The following TRHDE variants were observed in gnomAD, a reference collection of about 807,000 sequenced individuals.
TRHDE encodes thyrotropin releasing hormone degrading enzyme.
In TRHDE, 72 loss-of-function variants were observed where a neutral mutation model predicts 125.7. That is an observed-to-expected ratio of 0.57 (90% confidence interval 0.47 to 0.70). The LOEUF (loss-of-function observed/expected upper bound fraction) is 0.70, where lower values mean the gene tolerates loss of function less well. Among genes scored for constraint, TRHDE ranks in the 30% least tolerant of loss-of-function variants. TRHDE has a pLI of 0.00. For synonymous variants in TRHDE, 509 were observed against 509.1 expected, an observed-to-expected ratio of 1.00 and a Z score of 0.00; for missense variants, 1,110 against 1,327.1, an observed-to-expected ratio of 0.84 and a Z score of 2.54.
At chr12:72,443,280 G>A (rs937794393) in intron 3 of TRHDE, among the ~76,000 whole-genome samples, 7 of 146,656 alleles carry the variant, frequency 4.8e-5, no homozygotes, top group Non-Finnish European at 6.0e-5. Context: ...CATTCTTTTT[G>A]TTCATAACTT....
chr12:72,520,012 C>G (rs1193482355), intron 6 of TRHDE, among the ~76,000 whole-genome samples: 4 of 152,210 alleles, frequency 2.6e-5, no homozygotes, highest in Non-Finnish European at 4.4e-5. Context: ...AGATGTCCAG[C>G]TGTGTGCTGG....
intron 3 of TRHDE, among the ~76,000 whole-genome samples, chr12:72,390,370 A>G (rs1312308940): frequency 6.6e-6 from 1 of 152,194 alleles, no homozygotes; most frequent in Non-Finnish European, 1.5e-5. Context: ...AGAGAAAGGG[A>G]GGAACATTTC....
chr12:72,350,604 T>C (rs1038008900), intron 2 of TRHDE, among the ~76,000 whole-genome samples: 4 of 151,890 alleles, frequency 2.6e-5, no homozygotes, highest in African/African-American at 4.8e-5. Flanking sequence ...CAGAAGGTGG[T>C]TGGGATGGCT....
chr12:72,336,055 G>A (rs927320322), intron 2 of TRHDE, among the ~76,000 whole-genome samples: 1 of 152,216 alleles, frequency 6.6e-6, no homozygotes, highest in Non-Finnish European at 1.5e-5. Context: ...GTGGGATAGA[G>A]CATTTATGGT....
chr12:72,454,265 T>C (rs952733747), intron 3 of TRHDE, among the ~76,000 whole-genome samples: 42 of 152,212 alleles, frequency 2.8e-4, no homozygotes, highest in African/African-American at 1.0e-3. Context: ...AGTATAATGG[T>C]TGAGGGATCT....
chr12:72,644,730 C>T (rs1399408255), intron 15 of TRHDE, among the ~76,000 whole-genome samples: 3 of 152,292 alleles, frequency 2.0e-5, no homozygotes, highest in Non-Finnish European at 4.4e-5. Context: ...CTTGGTTTCC[C>T]CATGGGGAGG....
intron 2 of TRHDE, among the ~76,000 whole-genome samples, chr12:72,336,626 G>C (rs1869841316): frequency 1.3e-5 from 2 of 152,192 alleles, no homozygotes; most frequent in South Asian, 4.1e-4. Flanking sequence ...TTTGGCTCAT[G>C]ATTCCGGAGG....
chr12:72,456,128 TAC>T (rs58045175), intron 3 of TRHDE, among the ~76,000 whole-genome samples: 24,821 of 134,612 alleles, frequency 0.18, 2,631 homozygotes, highest in Admixed American at 0.26. Flanking sequence ...AATATGTAAT[TAC>T]ACACACACAC....
chr12:72,350,034 AT>A (rs1870509883), intron 2 of TRHDE, among the ~76,000 whole-genome samples: 1 of 151,810 alleles, frequency 6.6e-6, no homozygotes, highest in African/African-American at 2.4e-5. Flanking sequence ...TTTATGTGCC[AT>A]TTTCCATATT....
In TRHDE at chr12:72,619,006, C is replaced by T. The variant is rs751434874; in HGVS notation, c.2437C>T (p.Leu813=). 2.5e-6 allele frequency: 4 copies of T among 1,578,638 alleles called. No individual in the cohort carries two copies. The South Asian group carries it at 4.8e-5, about 19-fold the overall frequency. ...AGCTCTTTATCCTCTAGATAAATTACTGGACCGCATGGAAAACTACAACAT... is the reference window on the plus strand; with the variant it reads ...AGCTCTTTATCCTCTAGATAAATTATTGGACCGCATGGAAAACTACAACAT... ...SRALYPLDKL[L]DRMENYNIFN... is the part of the protein sequence containing the mutation. The change falls in exon 13 of 19, where the codon CTG becomes TTG. Residue 813 remains leucine, a synonymous_variant. Transcript: ENST00000261180.
At chr12:72,599,757 T>C (rs1476255798) in intron 12 of TRHDE, among the ~76,000 whole-genome samples, 3 of 152,144 alleles carry the variant, frequency 2.0e-5, no homozygotes, top group African/African-American at 7.2e-5. Context: ...TTGTTGCAAT[T>C]GATTTTTAGG....
At chr12:72,189,388 A>G (rs191963445) in intron 2 of TRHDE, among the ~76,000 whole-genome samples, 5 of 152,320 alleles carry the variant, frequency 3.3e-5, no homozygotes, top group East Asian at 3.9e-4. Context: ...TCTCACTGTC[A>G]TATCTTGAGT....
intron 2 of TRHDE, among the ~76,000 whole-genome samples, chr12:72,183,309 G>T (rs1370429303): frequency 1.3e-5 from 2 of 152,316 alleles, no homozygotes; most frequent in African/African-American, 4.8e-5. Context: ...AAAAGGTTTA[G>T]CATTTTAATA....
At chr12:72,410,956 G>A (rs895762454) in intron 3 of TRHDE, among the ~76,000 whole-genome samples, 6 of 151,956 alleles carry the variant, frequency 3.9e-5, no homozygotes, top group Admixed American at 3.3e-4. Flanking sequence ...CCTTTGGGAG[G>A]CCAAGGTGGG....
At chr12:72,386,364 C>T (rs891988732) in intron 3 of TRHDE, among the ~76,000 whole-genome samples, 1 of 152,148 alleles carries the variant, frequency 6.6e-6, no homozygotes, top group African/African-American at 2.4e-5. Flanking sequence ...TTTCCTTATA[C>T]TCCGCTGTTT....
At position 72,631,113 on chromosome 12, in the gene TRHDE, C is replaced by T. The variant is rs1873478198; in HGVS notation, c.2675+9362C>T. 2.6e-5 allele frequency among the ~76,000 whole-genome samples: 4 copies of T among 151,356 alleles called. No individual in the cohort carries two copies. The South Asian group carries it at 8.3e-4, about 32-fold the overall frequency. On this transcript the variant is annotated intron_variant, in intron 15 of 18. Transcript: ENST00000261180. ...TAATTTTCATATATAAATATTATTT[C>T]ATCCTGAGATATACAGAGCAGGCAT...
intron 3 of TRHDE, among the ~76,000 whole-genome samples, chr12:72,442,910 A>T (rs1033581514): frequency 6.6e-6 from 1 of 151,762 alleles, no homozygotes; most frequent in African/African-American, 2.4e-5. Context: ...CAGCATAAGG[A>T]CTCACTTGTC....
intron 3 of TRHDE, among the ~76,000 whole-genome samples, chr12:72,420,153 T>C (rs906795491): frequency 1.3e-5 from 2 of 152,208 alleles, no homozygotes; most frequent in Non-Finnish European, 2.9e-5. Context: ...ACACCATCTG[T>C]AGATTCAGGC....
chr12:72,375,631 T>C (rs570615010), intron 2 of TRHDE, among the ~76,000 whole-genome samples: 1 of 152,322 alleles, frequency 6.6e-6, no homozygotes, highest in Non-Finnish European at 1.5e-5. Context: ...TGTAGAATCT[T>C]TTGAAAGCTA....
Sources: gnomAD v4.1 joint callset for allele counts (sites outside exome capture counted in the v4.1 genomes callset) on GRCh38, gnomAD v4.1.1 for gene constraint, MANE v1.5 for transcripts, NCBI Gene and HGNC (gene_info 2026-07-23, HGNC 2026-07-21) for gene names.